TAB2: variants seen among roughly 807,000 people sequenced by gnomAD.
The protein encoded by TAB2 is TGF-beta-activated kinase 1 and MAP3K7-binding protein 2.
A neutral mutation model predicts 65.0 loss-of-function variants in TAB2; 3 were observed. The ratio of observed to expected loss-of-function variants is 0.05; its 90% CI spans 0.02 to 0.12. The LOEUF is 0.12. TAB2 is among the 10% of genes least tolerant of loss of function. The pLI, the probability that TAB2 is intolerant of heterozygous loss-of-function variation, is 1.00. For missense variants in TAB2, 623 were observed against 840.3 expected (o/e 0.74, Z 3.20); for synonymous variants, 298 against 285.1 (o/e 1.05, Z -0.46).
rs554678869 is a variant in TAB2, at chr6:149,267,772, C to T, written c.-121+48996C>T. On this transcript the variant is annotated intron_variant, in intron 1 of 1. Transcript: ENST00000606202. ...GCCTATTGCTCCTAGGTGACAAGCC[C>T]GTACAGCATATTACTGTACTGAATA... Among the ~76,000 whole-genome samples the T allele has an allele frequency of 2.6e-5, 4 of 152,126 alleles. No homozygotes were observed. The South Asian group carries it at 6.3e-4, about 24-fold the overall frequency.
At chr6:149,326,094 G>A (rs1308312194) in intron 1 of TAB2, among the ~76,000 whole-genome samples, 2 of 152,094 alleles carry the variant, frequency 1.3e-5, no homozygotes, top group Admixed American at 1.3e-4. Flanking sequence ...TAAGTTATCT[G>A]TATTGCTATA....
intron 1 of TAB2, among the ~76,000 whole-genome samples, chr6:149,264,002 C>A (rs542505146): frequency 1.3e-5 from 2 of 152,302 alleles, no homozygotes; most frequent in South Asian, 2.1e-4. Flanking sequence ...CAAGTGAATG[C>A]GTCTCAGTTT....
At chr6:149,339,248 A>G (rs1780026507) in intron 1 of TAB2, among the ~76,000 whole-genome samples, 1 of 152,120 alleles carries the variant, frequency 6.6e-6, no homozygotes, top group East Asian at 1.9e-4. Flanking sequence ...CTGTAGTCCC[A>G]GCTACTTGGG....
At chr6:149,348,096 A>T (rs1413958409) in intron 1 of TAB2, among the ~76,000 whole-genome samples, 2 of 152,186 alleles carry the variant, frequency 1.3e-5, no homozygotes, top group African/African-American at 4.8e-5. Context: ...AATTGTAATT[A>T]GTAATAAGAA....
At chr6:149,388,672 A>T (rs1781879744) in intron 3 of TAB2, among the ~76,000 whole-genome samples, 1 of 152,028 alleles carries the variant, frequency 6.6e-6, no homozygotes, top group Non-Finnish European at 1.5e-5. Flanking sequence ...TGGGAGCTTA[A>T]TTTGCATATT....
chr6:149,411,382 A>G lies in TAB2; in HGVS notation c.*1663A>G, dbSNP rs992256682. The G allele has an allele frequency of 6.6e-6, 1 of 152,542 alleles. No individual in the cohort carries two copies. The highest frequency in any genetic ancestry group is 1.5e-5 in the Non-Finnish European group (1 of 68,020). 9.4% of individuals were successfully genotyped at this position (152,542 alleles called of 1,614,324 possible). ...AAATATGACAATCCTAGGTAATTAA[A>G]CCATAGACCCAAAGCCCTTACGTTT... On this transcript the variant is annotated 3_prime_UTR_variant, in exon 7 of 7. Transcript: ENST00000637181.
intron 3 of TAB2, chr6:149,379,911 G>A (rs1292112894): frequency 6.6e-6 from 3 of 455,002 alleles, no homozygotes; most frequent in East Asian, 7.0e-5. Flanking sequence ...GACTAATATG[G>A]TAAATTTGCC....
At chr6:149,394,276 G>C (rs1782093451) in intron 3 of TAB2, among the ~76,000 whole-genome samples, 1 of 151,790 alleles carries the variant, frequency 6.6e-6, no homozygotes, top group South Asian at 2.1e-4. Context: ...TCTAGCATTT[G>C]ACCCTTTCAT....
rs554181617 is a variant in TAB2, at chr6:149,336,745, T to C, written c.-90+18730T>C. Among the ~76,000 whole-genome samples, 5 of 152,132 alleles carry C rather than the reference T, an allele frequency of 3.3e-5. No individual in the cohort carries two copies. The East Asian group carries it at 9.7e-4, about 29-fold the overall frequency. On this transcript the variant is annotated intron_variant, in intron 1 of 6. Coordinates refer to ENST00000637181, the MANE Select transcript of TAB2 (RefSeq NM_001292034.3). ...ATAACATTCTAAGCAAGGGCAGTAG[T>C]GTAGTAAGCAAAGAAAGGAAAGTGT... is the stretch of plus-strand genomic sequence containing the variant.
At chr6:149,238,389 G>T (rs1052550072) in intron 1 of TAB2, among the ~76,000 whole-genome samples, 9 of 152,038 alleles carry the variant, frequency 5.9e-5, no homozygotes, top group Admixed American at 5.9e-4. Context: ...ACACAGGGTG[G>T]GCTTGCTTCC....
upstream of TAB2, among the ~76,000 whole-genome samples, chr6:149,314,179 C>T (rs1317192607): frequency 6.6e-6 from 1 of 152,190 alleles, no homozygotes; most frequent in Non-Finnish European, 1.5e-5. Context: ...ATAGACCACA[C>T]TATATTAACT....
At chr6:149,399,034 T>C (rs1402840209) in intron 5 of TAB2, 70 bp from the exon 6 acceptor site, 1 of 1,327,330 alleles carries the variant, frequency 7.5e-7, no homozygotes, top group African/African-American at 1.5e-5. Flanking sequence ...TAGAAAGAAA[T>C]ACTTGTTTTA....
chr6:149,385,365 A>C (rs1781756229), intron 3 of TAB2, among the ~76,000 whole-genome samples: 1 of 152,220 alleles, frequency 6.6e-6, no homozygotes, highest in Non-Finnish European at 1.5e-5. Context: ...CATTGAAATC[A>C]CTTTATTAAA....
At chr6:149,281,476 G>A (rs1391845452) in intron 1 of TAB2, among the ~76,000 whole-genome samples, 2 of 142,552 alleles carry the variant, frequency 1.4e-5, no homozygotes, top group African/African-American at 5.3e-5. Flanking sequence ...TGTAATCCCA[G>A]CTGAAGAGGC....
intron 1 of TAB2, among the ~76,000 whole-genome samples, chr6:149,304,712 G>A (rs1168411567): frequency 4.6e-5 from 7 of 152,160 alleles, no homozygotes; most frequent in Non-Finnish European, 1.0e-4. Context: ...CCATTATCAG[G>A]ATTGCCTCTC....
chr6:149,389,416 C>T (rs1319866205), intron 3 of TAB2, among the ~76,000 whole-genome samples: 4 of 151,896 alleles, frequency 2.6e-5, no homozygotes, highest in Non-Finnish European at 4.4e-5. Context: ...GAGCCCGAGG[C>T]GGGTAGATCA....
intron 1 of TAB2, among the ~76,000 whole-genome samples, chr6:149,350,121 A>G (rs1264924453): frequency 2.0e-5 from 3 of 152,008 alleles, no homozygotes; most frequent in Non-Finnish European, 4.4e-5. Flanking sequence ...TAGTAGAGAC[A>G]GGGTTTCACC....
chr6:149,293,382 T>G (rs1349818413), intron 1 of TAB2, among the ~76,000 whole-genome samples: 1 of 152,194 alleles, frequency 6.6e-6, no homozygotes, highest in Non-Finnish European at 1.5e-5. Flanking sequence ...GCAATTGAAA[T>G]TTTTCTCTTT....
intron 1 of TAB2, chr6:149,318,616 A>T (rs1348802): frequency 0.65 from 99,290 of 151,856 alleles, 33,764 homozygotes; most frequent in Middle Eastern, 0.81. Flanking sequence ...ATTTCACTGG[A>T]TGTTTCTGGT....
Sources: allele counts gnomAD v4.1 joint callset (sites outside exome capture counted in the v4.1 genomes callset), GRCh38; gene constraint gnomAD v4.1.1; transcripts MANE v1.5; gene names NCBI Gene and HGNC (gene_info 2026-07-23, HGNC 2026-07-21).